UVRAG: variants seen among roughly 807,000 people sequenced by gnomAD.
UVRAG encodes UV radiation resistance associated.
Under a neutral mutation model 78.0 loss-of-function variants are expected in UVRAG, and 19 were observed. The observed-to-expected ratio is 0.24, with a 90% CI of 0.17 to 0.36. UVRAG has a LOEUF of 0.36. Among genes scored for constraint, UVRAG ranks in the 10% least tolerant of loss-of-function variants. The pLI, the probability that UVRAG is intolerant of heterozygous loss-of-function variation, is 1.00. For synonymous variants in UVRAG, 323 were observed against 324.6 expected (o/e 1.00, Z 0.05); for missense variants, 740 against 853.8 (o/e 0.87, Z 1.66).
intron 13 of UVRAG, among the ~76,000 whole-genome samples, chr11:76,115,090 G>A (rs1046206041): frequency 6.6e-5 from 10 of 152,100 alleles, no homozygotes; most frequent in African/African-American, 2.2e-4. Flanking sequence ...CACTTACTTC[G>A]GCTCTCCTTT....
intron 12 of UVRAG, among the ~76,000 whole-genome samples, chr11:76,044,513 T>A (rs1389299030): frequency 6.6e-6 from 1 of 152,252 alleles, no homozygotes; most frequent in Admixed American, 6.5e-5. Context: ...GGCTCACGGC[T>A]GTAATCCCAG....
chr11:75,879,033 T>C (rs1253040743), intron 3 of UVRAG, among the ~76,000 whole-genome samples: 2 of 152,226 alleles, frequency 1.3e-5, no homozygotes, highest in Admixed American at 6.5e-5. Context: ...CTCCTTAACA[T>C]TTTCACTTTT....
chr11:75,967,146 C>T (rs1297373349), intron 7 of UVRAG, among the ~76,000 whole-genome samples: 2 of 152,180 alleles, frequency 1.3e-5, no homozygotes, highest in East Asian at 3.8e-4. Flanking sequence ...CAAGAACCCT[C>T]AAGTAGCAAT....
At chr11:75,976,251 C>A (rs1414479973) in intron 7 of UVRAG, among the ~76,000 whole-genome samples, 1 of 152,150 alleles carries the variant, frequency 6.6e-6, no homozygotes, top group Non-Finnish European at 1.5e-5. Flanking sequence ...CTTTGATGTG[C>A]TGCTGGATTC....
At chr11:76,127,482 G>T (rs144754737) in intron 14 of UVRAG, among the ~76,000 whole-genome samples, 1 of 149,560 alleles carries the variant, frequency 6.7e-6, no homozygotes, top group African/African-American at 2.5e-5. Context: ...GTGAAAACCC[G>T]TCTCTATTAA....
At chr11:76,130,256 C>T (rs1202204917) in intron 14 of UVRAG, among the ~76,000 whole-genome samples, 1 of 152,126 alleles carries the variant, frequency 6.6e-6, no homozygotes, top group Non-Finnish European at 1.5e-5. Context: ...GAGCCCGTGT[C>T]CTCTCCTGCA....
chr11:76,046,206 T>A (rs1302376432), intron 12 of UVRAG, among the ~76,000 whole-genome samples: 1 of 152,216 alleles, frequency 6.6e-6, no homozygotes, highest in African/African-American at 2.4e-5. Flanking sequence ...GAAAGTCCTA[T>A]GCACCTTTCC....
rs1018310792 is a variant in UVRAG at position 76,144,146 on chromosome 11, A to G, written c.*2733A>G. Reference sequence around the variant, plus strand: ...TAAATAATTTTTTAAACCACCACGAATAATAAATGGCATGTGAAACTGATC... The same window carrying G: ...TAAATAATTTTTTAAACCACCACGAGTAATAAATGGCATGTGAAACTGATC... On this transcript the variant is annotated 3_prime_UTR_variant, in exon 15 of 15. Coordinates refer to ENST00000356136, the MANE Select transcript of UVRAG (RefSeq NM_003369.4). 2.0e-5 allele frequency among the ~76,000 whole-genome samples: 3 copies of G among 152,250 alleles called. No individual in the cohort carries two copies. Among genetic ancestry groups the G allele is most frequent in the East Asian group, 1.9e-4 (1 of 5,200 alleles).
At chr11:75,899,064 C>A (rs1947422329) in intron 5 of UVRAG, among the ~76,000 whole-genome samples, 1 of 152,060 alleles carries the variant, frequency 6.6e-6, no homozygotes, top group African/African-American at 2.4e-5. Context: ...GAAAAAAAAT[C>A]ATTTAAAAAG....
chr11:76,061,508 A>G (rs1283800727), intron 12 of UVRAG, among the ~76,000 whole-genome samples: 1 of 152,162 alleles, frequency 6.6e-6, no homozygotes, highest in Non-Finnish European at 1.5e-5. Context: ...CACTGTGTTT[A>G]TGAGCTGTAA....
In UVRAG at chr11:75,868,628, C is replaced by T. The variant is rs1462179411; in HGVS notation, c.270+6848C>T. Among the ~76,000 whole-genome samples the T allele has an allele frequency of 2.6e-5, 4 of 152,188 alleles. No individual in the cohort carries two copies. The East Asian group carries it at 7.7e-4, about 29-fold the overall frequency. ...CTTCAGCTAGCTGTGCCCTCCATAT[C>T]ATCTCTTCTTGTGTTCAGGGAGAGG... On this transcript the variant is annotated intron_variant, in intron 3 of 14. Coordinates refer to ENST00000356136, the MANE Select transcript of UVRAG (RefSeq NM_003369.4).
intron 12 of UVRAG, among the ~76,000 whole-genome samples, chr11:76,060,043 T>C (rs1951054378): frequency 6.6e-6 from 1 of 152,166 alleles, no homozygotes; most frequent in African/African-American, 2.4e-5. Flanking sequence ...TTGGAGTCCT[T>C]TGTAGAAATG....
intron 12 of UVRAG, among the ~76,000 whole-genome samples, chr11:76,033,272 G>A (rs1339455720): frequency 6.6e-6 from 1 of 152,090 alleles, no homozygotes; most frequent in Non-Finnish European, 1.5e-5. Context: ...AAAAATAATG[G>A]CTTCACAGAA....
intron 6 of UVRAG, among the ~76,000 whole-genome samples, chr11:75,921,192 A>G (rs1947972570): frequency 6.6e-6 from 1 of 152,064 alleles, no homozygotes; most frequent in Admixed American, 6.5e-5. Context: ...AAATGGCATT[A>G]CTCCTTACCC....
chr11:75,974,142 A>G (rs909410762), intron 7 of UVRAG, among the ~76,000 whole-genome samples: 1 of 152,140 alleles, frequency 6.6e-6, no homozygotes, highest in Non-Finnish European at 1.5e-5. Context: ...GTCTTCCACA[A>G]TGGTTGAACT....
chr11:76,127,508 G>A (rs1243851411), intron 14 of UVRAG, among the ~76,000 whole-genome samples: 1 of 151,758 alleles, frequency 6.6e-6, no homozygotes, highest in Non-Finnish European at 1.5e-5. Context: ...AAAGTTAGCC[G>A]GGTGTGGTGG....
At chr11:76,086,121 C>T (rs1454995492) in intron 13 of UVRAG, among the ~76,000 whole-genome samples, 1 of 152,208 alleles carries the variant, frequency 6.6e-6, no homozygotes, top group Admixed American at 6.5e-5. Flanking sequence ...CTTCTGCTTA[C>T]ATATTTGTAA....
At position 75,884,254 on chromosome 11, in the gene UVRAG, C is replaced by T. The variant is rs919810568; in HGVS notation, c.432+4214C>T. Among the ~76,000 whole-genome samples the T allele has an allele frequency of 2.0e-5, 3 of 149,196 alleles. No individual in the cohort carries two copies. The East Asian group carries it at 5.8e-4, about 29-fold the overall frequency. ...TCTCTCTCTCTTTCTCTCTCTCTCT[C>T]TGTGTGAAGTGTTCAGATCTTTTGC... On this transcript the variant is annotated intron_variant, in intron 4 of 14. Coordinates refer to ENST00000356136, the MANE Select transcript of UVRAG (RefSeq NM_003369.4).
chr11:76,100,734 C>CT (rs35522768), intron 13 of UVRAG, among the ~76,000 whole-genome samples: 2 of 152,028 alleles, frequency 1.3e-5, no homozygotes, highest in African/African-American at 2.4e-5. Flanking sequence ...CCCAATAGTA[C>CT]TTTTTCTGTT....
Sources: gnomAD v4.1 joint callset for allele counts (sites outside exome capture counted in the v4.1 genomes callset) on GRCh38, gnomAD v4.1.1 for gene constraint, MANE v1.5 for transcripts, NCBI Gene and HGNC (gene_info 2026-07-23, HGNC 2026-07-21) for gene names.